The following CALN1 variants were observed in gnomAD, a reference collection of about 807,000 sequenced individuals.
The protein encoded by CALN1 is calcium-binding protein 8.
A neutral mutation model predicts 30.6 loss-of-function variants in CALN1; 17 were observed. That is an observed-to-expected ratio of 0.56 (90% confidence interval 0.38 to 0.83). CALN1 has a LOEUF of 0.83. Ranked by LOEUF, CALN1 falls within the 40% of genes least tolerant of loss-of-function variation. CALN1 has a pLI of 0.00. For synonymous variants in CALN1, 156 were observed against 131.4 expected (o/e 1.19, Z -1.28); for missense variants, 291 against 354.9 (o/e 0.82, Z 1.45).
At chr7:71,963,034 A>G (rs1797328027) in intron 5 of CALN1, among the ~76,000 whole-genome samples, 1 of 152,192 alleles carries the variant, frequency 6.6e-6, no homozygotes, top group Non-Finnish European at 1.5e-5. Context: ...GGTATCCAAG[A>G]TTTGTAACTG....
chr7:71,878,726 A>G (rs752210634), intron 5 of CALN1, among the ~76,000 whole-genome samples: 2 of 152,344 alleles, frequency 1.3e-5, no homozygotes, highest in Middle Eastern at 3.4e-3. Context: ...GGCTTTAACC[A>G]TCTGCCACGT....
chr7:71,878,048 T>C (rs2116789436), intron 5 of CALN1, among the ~76,000 whole-genome samples: 1 of 152,304 alleles, frequency 6.6e-6, no homozygotes, highest in South Asian at 2.1e-4. Context: ...TCTAACAAGT[T>C]CCCAGGTGAC....
At position 72,337,674 on chromosome 7, in the gene CALN1, G is replaced by C. The variant is rs114431660; in HGVS notation, c.120-58864C>G. 1,047 of 152,578 alleles carry C rather than the reference G, an allele frequency of 6.9e-3. 14 individuals carry two copies. The highest frequency in any genetic ancestry group is 0.024 in the African/African-American group (1,004 of 41,588). The allele number at this position is 152,578 out of a possible 1,614,324, so 9.5% of individuals were successfully genotyped here. A position where few individuals can be genotyped will look rare whatever the true frequency, so the allele number is the denominator to read the frequency against. ...GAGCCCAGGGGGAAGGCGGGGCGCC[G>C]AAGTGGAGGGGCCAATGGCCGAAAC... On this transcript the variant is annotated intron_variant, in intron 2 of 6. Transcript: ENST00000395275.
At chr7:72,337,038 C>T (rs1483366846) in intron 2 of CALN1, 25 of 985,640 alleles carry the variant, frequency 2.5e-5, no homozygotes, top group South Asian at 4.7e-5. Flanking sequence ...CCCCCTGCAC[C>T]GCGCGCTCCT....
At chr7:72,098,164 A>G (rs1806375491) in intron 4 of CALN1, among the ~76,000 whole-genome samples, 2 of 152,216 alleles carry the variant, frequency 1.3e-5, no homozygotes, top group Admixed American at 1.3e-4. Flanking sequence ...GCAGGCTTCC[A>G]GAATCAGGGC....
chr7:72,030,319 T>A (rs899096518), intron 4 of CALN1, among the ~76,000 whole-genome samples: 4 of 152,188 alleles, frequency 2.6e-5, no homozygotes, highest in Non-Finnish European at 5.9e-5. Context: ...CTCCCGATAT[T>A]TCTCAGCTCT....
chr7:72,271,513 C>A (rs1437894369), intron 3 of CALN1, among the ~76,000 whole-genome samples: 1 of 140,546 alleles, frequency 7.1e-6, no homozygotes, highest in Non-Finnish European at 1.5e-5. Flanking sequence ...CCTCCCTCCT[C>A]GGCCTCATGA....
chr7:72,276,503 G>C (rs752754604), intron 3 of CALN1, among the ~76,000 whole-genome samples: 1 of 152,194 alleles, frequency 6.6e-6, no homozygotes, highest in African/African-American at 2.4e-5. Flanking sequence ...GCTATGGTTT[G>C]AATGTCCCTT....
At chr7:71,916,718 T>A (rs549303501) in intron 5 of CALN1, among the ~76,000 whole-genome samples, 1 of 152,202 alleles carries the variant, frequency 6.6e-6, no homozygotes, top group East Asian at 1.9e-4. Flanking sequence ...GATGCTGGGA[T>A]GATCTGTGCA....
intron 5 of CALN1, among the ~76,000 whole-genome samples, chr7:71,823,955 GAGA>G (rs1179982577): frequency 3.3e-5 from 5 of 152,066 alleles, no homozygotes; most frequent in African/African-American, 9.7e-5. Context: ...TCACTAGCAT[GAGA>G]ACAGTATGGG....
At chr7:72,157,789 G>A (rs1038817779) in intron 3 of CALN1, among the ~76,000 whole-genome samples, 1 of 152,148 alleles carries the variant, frequency 6.6e-6, no homozygotes, top group Non-Finnish European at 1.5e-5. Context: ...TGTTGCCCAG[G>A]CAGGAGTGCA....
chr7:71,813,772 T>C (rs547566216), intron 5 of CALN1, among the ~76,000 whole-genome samples: 11 of 151,616 alleles, frequency 7.3e-5, no homozygotes, highest in Non-Finnish European at 1.3e-4. Flanking sequence ...TACTAAAAAA[T>C]ACAAAAAAAT....
chr7:72,383,015 T>A (rs1226992917), intron 2 of CALN1, among the ~76,000 whole-genome samples: 1 of 152,184 alleles, frequency 6.6e-6, no homozygotes, highest in Admixed American at 6.5e-5. Context: ...CTCCATCTCT[T>A]GACCTCATGA....
chr7:72,274,890 T>A (rs1797239056), intron 3 of CALN1, among the ~76,000 whole-genome samples: 1 of 152,130 alleles, frequency 6.6e-6, no homozygotes, highest in Non-Finnish European at 1.5e-5. Flanking sequence ...TTTGCATGTT[T>A]CCCTCCTGAG....
At chr7:72,357,052 C>G (rs563419762) in intron 2 of CALN1, among the ~76,000 whole-genome samples, 1 of 152,034 alleles carries the variant, frequency 6.6e-6, no homozygotes, top group South Asian at 2.1e-4. Context: ...AAAACCTCCT[C>G]CCTGAAACCT....
At chr7:72,117,574 G>A (rs12668623) in intron 3 of CALN1, among the ~76,000 whole-genome samples, 33,070 of 152,042 alleles carry the variant, frequency 0.22, 4,565 homozygotes, top group East Asian at 0.69. Context: ...CAGTTTTTCA[G>A]GGTGCTTGGG....
intron 5 of CALN1, among the ~76,000 whole-genome samples, chr7:71,969,772 G>C (rs1797705169): frequency 6.6e-6 from 1 of 151,702 alleles, no homozygotes; most frequent in African/African-American, 2.4e-5. Flanking sequence ...AATTAATTCT[G>C]ACTTGTCCCA....
intron 4 of CALN1, among the ~76,000 whole-genome samples, chr7:72,032,010 G>A (rs1801476937): frequency 6.8e-6 from 1 of 146,950 alleles, no homozygotes; most frequent in African/African-American, 2.5e-5. Flanking sequence ...ACCTCCCAAA[G>A]TGCTGGGATT....
At chr7:71,880,096 C>T (rs1254330405) in intron 5 of CALN1, among the ~76,000 whole-genome samples, 2 of 152,092 alleles carry the variant, frequency 1.3e-5, no homozygotes, top group Non-Finnish European at 2.9e-5. Context: ...ACGATTGTGC[C>T]ACTACCCTCC....
Sources: allele counts gnomAD v4.1 joint callset (sites outside exome capture counted in the v4.1 genomes callset), GRCh38; gene constraint gnomAD v4.1.1; transcripts MANE v1.5; gene names NCBI Gene and HGNC (gene_info 2026-07-23, HGNC 2026-07-21).